NXF3: variants seen among roughly 807,000 people sequenced by gnomAD.
NXF3 encodes the protein nuclear RNA export factor 3.
A neutral mutation model predicts 48.4 loss-of-function variants in NXF3; 34 were observed. The ratio of observed to expected loss-of-function variants is 0.70; its 90% CI spans 0.53 to 0.93. NXF3 has a LOEUF of 0.93. Among genes scored for constraint, NXF3 ranks in the 40% least tolerant of loss-of-function variants. NXF3 has a pLI of 0.00. For synonymous variants in NXF3, 132 were observed against 145.7 expected (o/e 0.91, Z 0.68); for missense variants, 359 against 406.1 (o/e 0.88, Z 1.00).
intron 6 of NXF3, 38 bp downstream of exon 6, chrX:103,083,155 T>G (rs1922057905): frequency 8.4e-7 from 1 of 1,197,056 alleles, no homozygotes; most frequent in African/African-American, 1.8e-5. Flanking sequence ...GCAGTGGGTC[T>G]GGCTTTGTGT....
chrX:103,083,440 C>G lies in NXF3; in HGVS notation c.498G>C (p.Leu166=). The change falls in exon 5 of 20, where the codon CTG becomes CTC. Residue 166 remains leucine (L), a synonymous_variant. Coordinates refer to ENST00000395065, the MANE Select transcript of NXF3 (RefSeq NM_022052.2). ...CCCAAATCTTGCCACTGACATTCTT[C>G]AGTGCATAGGCGATGCTGGCATTCT... is the stretch of plus-strand genomic sequence containing the variant. ...FVENASIAYA[L]KNVSGKIWDE... 2 of 1,211,110 alleles carry G rather than the reference C, an allele frequency of 1.7e-6. No homozygotes were observed. The highest frequency in any genetic ancestry group is 2.2e-6 in the Non-Finnish European group (2 of 894,839).
chrX:103,092,624 C>G (rs758663829), intron 1 of NXF3, among the ~76,000 whole-genome samples: 40 of 112,855 alleles, frequency 3.5e-4, no homozygotes, highest in Non-Finnish European at 6.2e-4. Context: ...ATGGAACATT[C>G]CAGAATAAGT....
chrX:103,077,853 A>C, intron 17 of NXF3, 107 bp from the exon 18 acceptor site: 2 of 928,303 alleles, frequency 2.2e-6, no homozygotes, highest in Non-Finnish European at 3.0e-6. Context: ...CGATACCTCT[A>C]CTGTGCCTCC....
At position 103,076,325 on chromosome X, in the gene NXF3, A is replaced by G. The variant is rs751991400; in HGVS notation, c.1585-24T>C. On this transcript the variant is annotated intron_variant, in intron 18 of 19. Coordinates refer to ENST00000395065, the MANE Select transcript of NXF3 (RefSeq NM_022052.2). ...AGCTGTGGTGGAGGAAGGACAGGTA[A>G]CATCCATTAGGACCCAAGTGCAGAC... 2.5e-6 allele frequency: 3 copies of G among 1,207,470 alleles called. No individual in the cohort carries two copies. In the South Asian group the frequency reaches 5.3e-5, roughly 21 times the overall value.
In NXF3 at chrX:103,079,232, A is replaced by T; in HGVS notation, c.1367T>A (p.Val456Glu). The T allele has an allele frequency of 8.3e-7, 1 of 1,210,936 alleles. No homozygotes were observed. The highest frequency in any genetic ancestry group is 1.1e-6 in the Non-Finnish European group (1 of 895,034). Residue 456 changes from valine (V) to glutamate (E), a missense_variant, in exon 16 of 20, where the codon GTG (valine) becomes GAG (glutamate). Transcript: ENST00000395065. Reference sequence around the variant, plus strand: ...CTACAGACACTCACCTTCCTTGAACACCCCGTTGACAGAAAAGCAGAGCAT... The same window carrying T: ...CTACAGACACTCACCTTCCTTGAACTCCCCGTTGACAGAAAAGCAGAGCAT... The part of the protein sequence containing the change: ...EWMLCFSVNG[V>E]FKEVEGQSQG...
In NXF3 at chrX:103,082,938, G is replaced by A. The variant is rs927837072; in HGVS notation, c.691+66C>T. 94 of 1,147,429 alleles carry A rather than the reference G, an allele frequency of 8.2e-5. 1 individual carries two copies. Among genetic ancestry groups the A allele is most frequent in the Non-Finnish European group, 9.9e-5 (83 of 839,496 alleles). The allele number at this position is 1,147,429 out of a possible 1,213,427, so 94.6% of individuals were successfully genotyped here. A position where few individuals can be genotyped will look rare whatever the true frequency, so the allele number is the denominator to read the frequency against. On this transcript the variant is annotated intron_variant, in intron 7 of 19. Coordinates refer to ENST00000395065, the MANE Select transcript of NXF3 (RefSeq NM_022052.2). ...CTAACCCCTCCCCAAGTTGCCAACC[G>A]TAAGTCTCCATCTCACACAGACACC...
intron 1 of NXF3, chrX:103,088,448 G>T: frequency 1.2e-6 from 1 of 825,801 alleles, no homozygotes; most frequent in South Asian, 2.2e-5. Context: ...ACCAAAATGT[G>T]GGAAAAAAAT....
intron 1 of NXF3, among the ~76,000 whole-genome samples, chrX:103,090,103 A>G (rs904278079): frequency 9.0e-6 from 1 of 111,538 alleles, no homozygotes; most frequent in Admixed American, 9.5e-5. Flanking sequence ...TTTGCTCATT[A>G]ATTATAGCAG....
intron 1 of NXF3, among the ~76,000 whole-genome samples, chrX:103,091,623 T>C (rs1922276891): frequency 9.1e-6 from 1 of 110,392 alleles, no homozygotes; most frequent in Non-Finnish European, 1.9e-5. Flanking sequence ...AAGGGACAAC[T>C]GTACTTATTT....
chrX:103,086,091 T>C, intron 1 of NXF3, among the ~76,000 whole-genome samples: 1 of 109,588 alleles, frequency 9.1e-6, no homozygotes, highest in Middle Eastern at 4.7e-3. Context: ...GGATTACAGG[T>C]GTCGGCCACC....
chrX:103,084,274 A>G, intron 3 of NXF3, 68 bp downstream of exon 3: 31 of 1,151,885 alleles, frequency 2.7e-5, no homozygotes, highest in Middle Eastern at 2.7e-4. Context: ...TCTAGTGTCC[A>G]CACAAATCCA....
intron 5 of NXF3, 28 bp downstream of exon 5, chrX:103,083,370 T>C (rs1431833783): frequency 7.6e-6 from 9 of 1,180,896 alleles, no homozygotes; most frequent in Non-Finnish European, 9.2e-6. Flanking sequence ...TGCTCGATGC[T>C]AGCCCTGGTC....
In NXF3 at chrX:103,087,768, C is replaced by T. The variant is rs757222886; in HGVS notation, c.29-2885G>A. The T allele has an allele frequency of 2.3e-3, 2,180 of 933,479 alleles. 6 individuals carry two copies. Among genetic ancestry groups the T allele is most frequent in the Non-Finnish European group, 2.2e-3 (1,464 of 652,598 alleles). 76.9% of individuals were successfully genotyped at this position (933,479 alleles called of 1,213,427 possible). A position where few individuals can be genotyped will look rare whatever the true frequency, so the allele number is the denominator to read the frequency against. Reference sequence around the variant, plus strand: ...GGTCAGAGGCCTTTTAAATGTCTCTCGTGTAGTAAATCTTTTTGACAGTCA... The same window carrying T: ...GGTCAGAGGCCTTTTAAATGTCTCTTGTGTAGTAAATCTTTTTGACAGTCA... On this transcript the variant is annotated intron_variant, in intron 1 of 19. Coordinates refer to ENST00000395065, the MANE Select transcript of NXF3 (RefSeq NM_022052.2).
At position 103,084,360 on chromosome X, in the gene NXF3, C is replaced by A. The variant is rs1922092846; in HGVS notation, c.333G>T (p.Gly111=). 4 of 1,211,492 alleles carry A rather than the reference C, an allele frequency of 3.3e-6. No homozygotes were observed. Among genetic ancestry groups the A allele is most frequent in the Non-Finnish European group, 4.5e-6 (4 of 895,482 alleles). ...CACTCACTGTGATCTTGAACCAGCT[C>A]CCTAAGGTCCCATCCGGCATGTTCC... ...MEGNMPDGTL[G]SWFKITVPFG... is the part of the protein sequence containing the mutation. Residue 111 remains glycine, a synonymous_variant, in exon 3 of 20, where the codon GGG becomes GGT. Coordinates refer to ENST00000395065, the MANE Select transcript of NXF3 (RefSeq NM_022052.2).
In NXF3 at chrX:103,079,257, T is replaced by A; in HGVS notation, c.1342A>T (p.Met448Leu). 8.3e-7 allele frequency: 1 copy of A among 1,211,257 alleles called. No homozygotes were observed. Among genetic ancestry groups the A allele is most frequent in the South Asian group, 1.8e-5 (1 of 56,975 alleles). Residue 448 changes from methionine (M) to leucine (L), a missense_variant, in exon 16 of 20, where the codon ATG becomes TTG. Transcript: ENST00000395065. ...LVDMWYQTEW[M>L]LCFSVNGVFK... is the part of the protein sequence containing the mutation. ...ACCCCGTTGACAGAAAAGCAGAGCA[T>A]CCATTCCTGAAAGGGAAGATCTCAG...
chrX:103,088,790 T>C, intron 1 of NXF3: 6 of 1,114,524 alleles, frequency 5.4e-6, no homozygotes, highest in Non-Finnish European at 7.3e-6. Flanking sequence ...ATGAAAAGAG[T>C]CCTTATGCAT....
chrX:103,085,702 G>A (rs942805426), intron 1 of NXF3, among the ~76,000 whole-genome samples: 5 of 110,128 alleles, frequency 4.5e-5, no homozygotes, highest in Non-Finnish European at 9.5e-5. Context: ...AGGAGATGGA[G>A]ACCATGCTGG....
chrX:103,080,527 G>T (rs748116253), intron 10 of NXF3, 49 bp downstream of exon 10: 38 of 1,118,737 alleles, frequency 3.4e-5, no homozygotes, highest in Non-Finnish European at 4.7e-5. Flanking sequence ...GCAGTTGGGG[G>T]CAGCATCAGT....
chrX:103,077,351 C>T (rs1435117679), intron 18 of NXF3, among the ~76,000 whole-genome samples: 5 of 107,028 alleles, frequency 4.7e-5, no homozygotes, highest in East Asian at 3.0e-4. Context: ...CCTGGGTTCA[C>T]GCCATTCTCC....
Sources: allele counts gnomAD v4.1 joint callset (sites outside exome capture counted in the v4.1 genomes callset), GRCh38; gene constraint gnomAD v4.1.1; transcripts MANE v1.5; gene names NCBI Gene and HGNC (gene_info 2026-07-23, HGNC 2026-07-21).